The following CFAP61 variants were observed in gnomAD, a reference collection of about 807,000 sequenced individuals.
The protein encoded by CFAP61 is cilia- and flagella-associated protein 61.
Under a neutral mutation model 135.6 loss-of-function variants are expected in CFAP61, and 107 were observed. The ratio of observed to expected loss-of-function variants is 0.79; its 90% CI spans 0.67 to 0.93. CFAP61 has a LOEUF of 0.93. Ranked by LOEUF, CFAP61 falls within the 40% of genes least tolerant of loss-of-function variation. The probability of loss-of-function intolerance (pLI) is 0.00; values close to 1 mark genes in which losing one functional copy is unlikely to be tolerated. For missense variants in CFAP61, 1,507 were observed against 1,556.2 expected, an observed-to-expected ratio of 0.97 and a Z score of 0.53; for synonymous variants, 575 against 578.5, an observed-to-expected ratio of 0.99 and a Z score of 0.09.
intron 2 of CFAP61, among the ~76,000 whole-genome samples, chr20:20,065,309 C>T (rs2146551398): frequency 6.6e-6 from 1 of 152,058 alleles, no homozygotes; most frequent in South Asian, 2.1e-4. Flanking sequence ...TGATCTTCAC[C>T]TGCATTCAAT....
At chr20:20,147,945 A>G (rs2052041797) in intron 9 of CFAP61, among the ~76,000 whole-genome samples, 1 of 152,156 alleles carries the variant, frequency 6.6e-6, no homozygotes, top group South Asian at 2.1e-4. Context: ...AGAGATGAGT[A>G]TCCAGTTTCA....
intron 8 of CFAP61, among the ~76,000 whole-genome samples, chr20:20,139,282 A>G (rs2051178478): frequency 6.6e-6 from 1 of 152,230 alleles, no homozygotes; most frequent in South Asian, 2.1e-4. Flanking sequence ...TGAATGTGGC[A>G]TTAGATGCTG....
At chr20:20,321,743 G>A (rs760575955) in intron 25 of CFAP61, among the ~76,000 whole-genome samples, 78 of 152,192 alleles carry the variant, frequency 5.1e-4, no homozygotes, top group Non-Finnish European at 1.0e-3. Flanking sequence ...TCCTTGGAGA[G>A]TGATTGATAG....
At chr20:20,055,199 A>G (rs1057453838) in intron 1 of CFAP61, among the ~76,000 whole-genome samples, 1 of 151,702 alleles carries the variant, frequency 6.6e-6, no homozygotes, top group Non-Finnish European at 1.5e-5. Flanking sequence ...TTCTCTTTCT[A>G]TATTTCTTTA....
intron 8 of CFAP61, among the ~76,000 whole-genome samples, chr20:20,111,104 G>C (rs2048773291): frequency 6.6e-6 from 1 of 152,050 alleles, no homozygotes; most frequent in South Asian, 2.1e-4. Context: ...TTGAAATATA[G>C]AATTTATAAT....
At chr20:20,059,834 T>C (rs946919687) in intron 2 of CFAP61, among the ~76,000 whole-genome samples, 2 of 151,842 alleles carry the variant, frequency 1.3e-5, no homozygotes, top group African/African-American at 4.8e-5. Flanking sequence ...AGAAAAAATA[T>C]GAATGAAGCA....
chr20:20,326,938 C>A (rs947332777), intron 25 of CFAP61, among the ~76,000 whole-genome samples: 6 of 151,984 alleles, frequency 3.9e-5, no homozygotes, highest in African/African-American at 1.4e-4. Flanking sequence ...TTTAAATTTT[C>A]TTCCATGAAC....
chr20:20,076,609 AG>A (rs1178390875), intron 6 of CFAP61, among the ~76,000 whole-genome samples: 4 of 152,176 alleles, frequency 2.6e-5, no homozygotes, highest in Non-Finnish European at 5.9e-5. Flanking sequence ...CATCTCACAG[AG>A]GTGGTTGCTT....
intron 6 of CFAP61, among the ~76,000 whole-genome samples, chr20:20,079,129 C>G (rs2046257598): frequency 6.6e-6 from 1 of 152,164 alleles, no homozygotes; most frequent in Non-Finnish European, 1.5e-5. Context: ...GCCCTCCTGC[C>G]CAGACATTGG....
At chr20:20,351,350 G>A (rs1477010492) in intron 26 of CFAP61, among the ~76,000 whole-genome samples, 1 of 152,144 alleles carries the variant, frequency 6.6e-6, no homozygotes, top group Non-Finnish European at 1.5e-5. Flanking sequence ...AGAGGCCAAG[G>A]CGGGCAGATC....
intron 25 of CFAP61, among the ~76,000 whole-genome samples, chr20:20,303,806 G>C (rs1396367666): frequency 3.9e-5 from 6 of 152,302 alleles, no homozygotes; most frequent in African/African-American, 1.4e-4. Context: ...CTGCTGCCGG[G>C]AGGGCTGACA....
chr20:20,238,465 A>C (rs1271642370), intron 18 of CFAP61, among the ~76,000 whole-genome samples: 1 of 152,136 alleles, frequency 6.6e-6, no homozygotes, highest in African/African-American at 2.4e-5. Flanking sequence ...TGGGATAATA[A>C]TTTTTTCTCT....
At chr20:20,141,891 G>GCAGGCC (rs1158744901) in intron 8 of CFAP61, among the ~76,000 whole-genome samples, 2 of 152,324 alleles carry the variant, frequency 1.3e-5, no homozygotes, top group East Asian at 3.9e-4. Context: ...GGAGCCTTCA[G>GCAGGCC]CAGGCCCAGG....
chr20:20,224,600 G>T (rs1360956965), intron 17 of CFAP61, among the ~76,000 whole-genome samples: 3 of 152,124 alleles, frequency 2.0e-5, no homozygotes, highest in African/African-American at 4.8e-5. Context: ...CCTTTGTCAA[G>T]AATCACTTGA....
chr20:20,164,785 C>T (rs2053686108), intron 11 of CFAP61, among the ~76,000 whole-genome samples: 1 of 152,152 alleles, frequency 6.6e-6, no homozygotes, highest in South Asian at 2.1e-4. Flanking sequence ...ATACTCAAGA[C>T]TGGGTGATTT....
At chr20:20,121,654 C>T (rs1479433928) in intron 8 of CFAP61, among the ~76,000 whole-genome samples, 1 of 152,066 alleles carries the variant, frequency 6.6e-6, no homozygotes, top group Admixed American at 6.6e-5. Context: ...GCCCCTGTGC[C>T]CAGCTAATTT....
At chr20:20,291,420 C>T (rs571272855) in intron 24 of CFAP61, among the ~76,000 whole-genome samples, 5 of 152,306 alleles carry the variant, frequency 3.3e-5, no homozygotes, top group African/African-American at 1.2e-4. Context: ...TACAGCCTAT[C>T]GTCTTTTCAG....
At chr20:20,072,484 G>T (rs866150668) in intron 3 of CFAP61, among the ~76,000 whole-genome samples, 18 of 152,054 alleles carry the variant, frequency 1.2e-4, no homozygotes, top group African/African-American at 3.9e-4. Flanking sequence ...CAAGTGCAAA[G>T]AATCATTTTT....
At chr20:20,321,066 A>G (rs1042363050) in intron 25 of CFAP61, among the ~76,000 whole-genome samples, 4 of 152,124 alleles carry the variant, frequency 2.6e-5, no homozygotes, top group Non-Finnish European at 4.4e-5. Context: ...AAAGTTATAC[A>G]AGAAAGGCCT....
Sources: gnomAD v4.1 joint callset for allele counts (sites outside exome capture counted in the v4.1 genomes callset) on GRCh38, gnomAD v4.1.1 for gene constraint, MANE v1.5 for transcripts, NCBI Gene and HGNC (gene_info 2026-07-23, HGNC 2026-07-21) for gene names.